Variants in CPAMD8 observed in about 807,000 individuals in gnomAD.
The protein encoded by CPAMD8 is C3 and PZP-like alpha-2-macroglobulin domain-containing protein 8.
CPAMD8 carries 146 observed loss-of-function variants against 224.7 expected under a neutral mutation model. The ratio of observed to expected loss-of-function variants is 0.65; its 90% CI spans 0.57 to 0.75. The LOEUF (loss-of-function observed/expected upper bound fraction) is 0.75, where lower values mean the gene tolerates loss of function less well. Ranked by LOEUF, CPAMD8 falls within the 30% of genes least tolerant of loss-of-function variation. CPAMD8 has a pLI of 0.00. For missense variants in CPAMD8, 2,301 were observed against 2,537.5 expected, an observed-to-expected ratio of 0.91 and a Z score of 2.00; for synonymous variants, 966 against 1,044.6, an observed-to-expected ratio of 0.92 and a Z score of 1.45.
rs549248375 is a variant in CPAMD8, at chr19:16,909,389, A to G, written c.3862-2272T>C. Among the ~76,000 whole-genome samples, 36 of 152,174 alleles carry G rather than the reference A, an allele frequency of 2.4e-4. 1 individual carries two copies. The South Asian group carries it at 7.2e-3, about 31-fold the overall frequency. ...GAAACCCCATCTCTACTAAAAATAC[A>G]AAAAATTAGCTGGGCGTGGTGGCGA... On this transcript the variant is annotated intron_variant, in intron 29 of 41. Coordinates refer to ENST00000443236, the MANE Select transcript of CPAMD8 (RefSeq NM_015692.5).
At chr19:16,980,363 A>G in intron 14 of CPAMD8, 134 bp downstream of exon 14, 1 of 739,746 alleles carries the variant, frequency 1.4e-6, no homozygotes, top group Non-Finnish European at 2.2e-6. Context: ...ATTGTTAAGG[A>G]TGTGTCCCCT....
chr19:16,914,560 C>A, intron 28 of CPAMD8, 62 bp from the exon 29 acceptor site: 1 of 1,609,192 alleles, frequency 6.2e-7, no homozygotes, highest in Non-Finnish European at 8.5e-7. Context: ...CCCCCCACTT[C>A]CCCCAGGCAG....
At chr19:16,981,174 G>A (rs893397324) in intron 13 of CPAMD8, among the ~76,000 whole-genome samples, 1 of 151,854 alleles carries the variant, frequency 6.6e-6, no homozygotes, top group Non-Finnish European at 1.5e-5. Flanking sequence ...GCAACATAGT[G>A]AGACCCCCAT....
chr19:16,934,026 T>C (rs1568492525), intron 23 of CPAMD8, among the ~76,000 whole-genome samples: 1 of 152,148 alleles, frequency 6.6e-6, no homozygotes, highest in African/African-American at 2.4e-5. Context: ...TATTGACACA[T>C]GCACCATGGA....
intron 30 of CPAMD8, among the ~76,000 whole-genome samples, chr19:16,904,809 G>A (rs1374581737): frequency 6.6e-6 from 1 of 152,182 alleles, no homozygotes; most frequent in Non-Finnish European, 1.5e-5. Flanking sequence ...ACCCCTGGCA[G>A]ACATCACTAA....
At chr19:16,941,355 A>G (rs1346223077) in intron 22 of CPAMD8, among the ~76,000 whole-genome samples, 1 of 142,804 alleles carries the variant, frequency 7.0e-6, no homozygotes, top group African/African-American at 2.6e-5. Flanking sequence ...TGAGCCATAG[A>G]AGCAAGCACG....
At chr19:17,004,479 C>A in intron 7 of CPAMD8, 93 bp from the exon 8 acceptor site, 2 of 752,296 alleles carry the variant, frequency 2.7e-6, no homozygotes, top group South Asian at 1.6e-5. Flanking sequence ...CCTTCTCCTT[C>A]CCTGAGCAGC....
chr19:16,895,917 A>G (rs775672638), intron 41 of CPAMD8: 20 of 601,702 alleles, frequency 3.3e-5, no homozygotes, highest in South Asian at 2.7e-4. Context: ...ACACACACAC[A>G]CACACACACA....
intron 18 of CPAMD8, among the ~76,000 whole-genome samples, chr19:16,960,231 T>C (rs2054607746): frequency 6.6e-6 from 1 of 151,740 alleles, no homozygotes; most frequent in South Asian, 2.1e-4. Flanking sequence ...AAAAAGGCTT[T>C]CTCAAAATTT....
intron 41 of CPAMD8, chr19:16,894,520 C>G (rs1344365408): frequency 2.2e-6 from 1 of 454,642 alleles, no homozygotes; most frequent in East Asian, 7.0e-5. Context: ...AACCCAACTC[C>G]ACGGGGCTCA....
intron 29 of CPAMD8, among the ~76,000 whole-genome samples, chr19:16,913,073 C>T (rs1336765841): frequency 1.3e-5 from 2 of 152,298 alleles, no homozygotes; most frequent in Admixed American, 1.3e-4. Flanking sequence ...AACCCTTTCT[C>T]AGTAAAGGAG....
intron 29 of CPAMD8, among the ~76,000 whole-genome samples, chr19:16,908,375 AAT>A (rs199616098): frequency 6.6e-5 from 10 of 151,012 alleles, no homozygotes; most frequent in Non-Finnish European, 8.9e-5. Context: ...AAAAAAAAAA[AAT>A]AATAGAAATA....
intron 23 of CPAMD8, among the ~76,000 whole-genome samples, chr19:16,930,266 G>GA (rs918089505): frequency 3.9e-4 from 56 of 142,264 alleles, no homozygotes; most frequent in Middle Eastern, 3.5e-3. Flanking sequence ...AAAAAAAAAA[G>GA]AAAAAAAAAA....
intron 34 of CPAMD8, 51 bp downstream of exon 34, chr19:16,903,509 TG>T: frequency 6.2e-7 from 1 of 1,611,310 alleles, no homozygotes; most frequent in African/African-American, 1.3e-5. Context: ...TTGGAGGGAA[TG>T]GGGCACAGGA....
intron 23 of CPAMD8, among the ~76,000 whole-genome samples, chr19:16,931,328 G>A (rs567619388): frequency 1.3e-5 from 2 of 152,134 alleles, no homozygotes; most frequent in Non-Finnish European, 2.9e-5. Flanking sequence ...ACCACAGCCG[G>A]CACCTGAGCG....
chr19:16,950,967 T>C (rs1198554264), intron 20 of CPAMD8, among the ~76,000 whole-genome samples: 1 of 152,028 alleles, frequency 6.6e-6, no homozygotes, highest in Non-Finnish European at 1.5e-5. Context: ...TGGGCTACCT[T>C]ACTAGCCCAA....
At position 17,004,276 on chromosome 19, in the gene CPAMD8, AC is replaced by A. The variant is rs1158996763; in HGVS notation, c.669del (p.Lys223AsnfsTer10). ...ACCCTGAGATTCTCCAACTTACCATACTTCTGAACTTCAAAAGACTTGTTGT... is the reference window on the plus strand; with the variant it reads ...ACCCTGAGATTCTCCAACTTACCATATTCTGAACTTCAAAAGACTTGTTGT... ...HAYNKSFEVQ[K>X]YVLPKFELLI... On this transcript the variant is annotated frameshift_variant, in exon 8 of 42. Coordinates refer to ENST00000443236, the MANE Select transcript of CPAMD8 (RefSeq NM_015692.5). LOFTEE classifies it high-confidence loss of function. 6.3e-7 allele frequency: 1 copy of A among 1,593,408 alleles called. No homozygotes were observed. The highest frequency in any genetic ancestry group is 8.6e-7 in the Non-Finnish European group (1 of 1,161,622).
chr19:17,018,717 TACACACACACACACACACAC>T (rs367984655), intron 3 of CPAMD8, among the ~76,000 whole-genome samples: 1 of 136,732 alleles, frequency 7.3e-6, no homozygotes, highest in Admixed American at 7.4e-5. Flanking sequence ...CTACTAAAAA[TACACACACACACACACACAC>T]ACACACACAC....
At chr19:17,024,704 G>T (rs2123288970) in intron 1 of CPAMD8, among the ~76,000 whole-genome samples, 1 of 152,336 alleles carries the variant, frequency 6.6e-6, no homozygotes, top group East Asian at 1.9e-4. Context: ...TGGGATGCTT[G>T]CCAGCCATTC....
Sources: allele counts gnomAD v4.1 joint callset (sites outside exome capture counted in the v4.1 genomes callset), GRCh38; gene constraint gnomAD v4.1.1; transcripts MANE v1.5; gene names NCBI Gene and HGNC (gene_info 2026-07-23, HGNC 2026-07-21).